The following GFRA2 variants were observed in gnomAD, a reference collection of about 807,000 sequenced individuals.
GFRA2 encodes the protein GDNF family receptor alpha-2.
In GFRA2, 17 loss-of-function variants were observed where a neutral mutation model predicts 48.3. That is an observed-to-expected ratio of 0.35 (90% CI 0.24 to 0.53). GFRA2 has a LOEUF of 0.53. GFRA2 is among the 20% of genes least tolerant of loss of function. The pLI is 0.93. For synonymous variants in GFRA2, 305 were observed against 257.2 expected (o/e 1.19, Z -1.78); for missense variants, 660 against 637.3 (o/e 1.04, Z -0.38).
chr8:21,790,820 C>CT (rs1453835036), upstream of GFRA2, among the ~76,000 whole-genome samples: 1 of 152,186 alleles, frequency 6.6e-6, no homozygotes, highest in Admixed American at 6.5e-5. Flanking sequence ...GGTCTCTTGG[C>CT]TTTTTTTCCA....
At chr8:21,758,884 AGGT>A (rs915801089) in intron 3 of GFRA2, among the ~76,000 whole-genome samples, 36 of 151,318 alleles carry the variant, frequency 2.4e-4, no homozygotes, top group African/African-American at 8.0e-4. Context: ...GTGCACACCG[AGGT>A]GCACACACAC....
Position 21,694,099 on chromosome 8 carries a change from T to C in GFRA2, c.1272+365A>G, listed in dbSNP as rs1258720986. 6.4e-5 allele frequency among the ~76,000 whole-genome samples: 6 copies of C among 93,506 alleles called. 1 individual carries two copies. The highest frequency in any genetic ancestry group is 1.5e-4 in the African/African-American group (4 of 27,198). 61.3% of individuals were successfully genotyped at this position (93,506 alleles called of 152,430 possible). A position where few individuals can be genotyped will look rare whatever the true frequency, so the allele number is the denominator to read the frequency against. Reference sequence around the variant, plus strand: ...TTTTTATATATATATATATTTCCTATAGTGGGGGTTTCTTCAAGGGAAGAA... The same window carrying C: ...TTTTTATATATATATATATTTCCTACAGTGGGGGTTTCTTCAAGGGAAGAA... On this transcript the variant is annotated intron_variant, in intron 8 of 8. Transcript: ENST00000524240.
rs1035929660 is a variant in GFRA2, at chr8:21,802,204, G to C, written c.-36+2813C>G. 3.2e-3 allele frequency among the ~76,000 whole-genome samples: 495 copies of C among 152,314 alleles called. 4 individuals are homozygous for C. The highest frequency in any genetic ancestry group is 0.011 in the African/African-American group (477 of 41,558). On this transcript the variant is annotated intron_variant, in intron 2 of 10. Transcript: ENST00000517328. ...TGCCACTTTCTAGCTGCCTGGCTTT[G>C]GGAAAGTCCCTAAATCTGGCTGTGC... is the stretch of plus-strand genomic sequence containing the variant.
intron 8 of GFRA2, among the ~76,000 whole-genome samples, 151 bp from the exon 9 acceptor site, chr8:21,693,551 A>G (rs996777695): frequency 1.3e-5 from 2 of 151,898 alleles, no homozygotes; most frequent in African/African-American, 4.8e-5. Context: ...CCTCCTTTGC[A>G]CTCTGAAGGG....
chr8:21,788,940 T>A, upstream of GFRA2: 1 of 370,320 alleles, frequency 2.7e-6, no homozygotes, highest in South Asian at 1.0e-4. Context: ...CCCGCCCCCT[T>A]CTCCCTTCGC....
At chr8:21,758,008 A>C (rs1222519251) in intron 3 of GFRA2, among the ~76,000 whole-genome samples, 1 of 152,040 alleles carries the variant, frequency 6.6e-6, no homozygotes, top group Non-Finnish European at 1.5e-5. Context: ...ATGCACTCGG[A>C]GGGGGAAGTC....
At chr8:21,728,225 T>C (rs542313432) in intron 4 of GFRA2, among the ~76,000 whole-genome samples, 2 of 143,820 alleles carry the variant, frequency 1.4e-5, no homozygotes, top group South Asian at 4.7e-4. Context: ...TCCTGGGCCC[T>C]ACATCCAAGG....
chr8:21,754,225 G>C (rs1368157099), intron 3 of GFRA2, among the ~76,000 whole-genome samples: 1 of 152,214 alleles, frequency 6.6e-6, no homozygotes, highest in Non-Finnish European at 1.5e-5. Flanking sequence ...GCTGTGCTCA[G>C]TGCTGTGTCC....
chr8:21,804,211 C>G (rs1232186659), intron 2 of GFRA2, among the ~76,000 whole-genome samples: 1 of 151,794 alleles, frequency 6.6e-6, no homozygotes, highest in African/African-American at 2.4e-5. Context: ...CACACACACA[C>G]ACACACACAC....
chr8:21,734,773 T>C (rs532061478), intron 4 of GFRA2, among the ~76,000 whole-genome samples: 1 of 152,360 alleles, frequency 6.6e-6, no homozygotes, highest in South Asian at 2.1e-4. Context: ...GCTTCTTTCG[T>C]CTATCAGATG....
chr8:21,746,884 C>T (rs936016840), intron 4 of GFRA2, among the ~76,000 whole-genome samples: 23 of 152,162 alleles, frequency 1.5e-4, no homozygotes, highest in Non-Finnish European at 2.4e-4. Flanking sequence ...TTACCCTGCT[C>T]CAAACTCCCC....
intron 2 of GFRA2, among the ~76,000 whole-genome samples, chr8:21,798,876 C>T (rs1279112917): frequency 6.6e-6 from 1 of 152,230 alleles, no homozygotes; most frequent in African/African-American, 2.4e-5. Flanking sequence ...GTGTATGCTT[C>T]TCTTAGCTCT....
intron 1 of GFRA2, among the ~76,000 whole-genome samples, chr8:21,785,056 T>C (rs35322859): frequency 0.15 from 22,453 of 152,188 alleles, 1,986 homozygotes; most frequent in East Asian, 0.28. Flanking sequence ...CCTCCCACCT[T>C]GACTGAACTG....
At chr8:21,772,163 G>C (rs2117695624) in intron 3 of GFRA2, among the ~76,000 whole-genome samples, 1 of 152,274 alleles carries the variant, frequency 6.6e-6, no homozygotes, top group Admixed American at 6.5e-5. Flanking sequence ...TCAGACAGAA[G>C]ATCTGGCACA....
chr8:21,735,112 C>A (rs182717976), intron 4 of GFRA2, among the ~76,000 whole-genome samples: 2 of 152,304 alleles, frequency 1.3e-5, no homozygotes, highest in East Asian at 1.9e-4. Flanking sequence ...GCCCTGAACA[C>A]CTCGGGCACA....
At position 21,706,039 on chromosome 8, in the gene GFRA2, G is replaced by C. The variant is rs1422526944; in HGVS notation, c.797C>G (p.Ser266Cys). 1 of 1,560,852 alleles carries C rather than the reference G, an allele frequency of 6.4e-7. No individual in the cohort carries two copies. The highest frequency in any genetic ancestry group is 1.9e-5 in the Admixed American group (1 of 52,620). Residue 266 changes from serine to cysteine, a missense_variant and splice_region_variant, in exon 5 of 9, where the codon TCC (serine) becomes TGC (cysteine). Physicochemically the swap from Ser to Cys is moderately radical, Grantham distance 112 (BLOSUM62 -1). Transcript: ENST00000524240. ...ATTGGCATGGAAGTCGGCCAGCCGG[G>C]ACCTGGTGGTGGGTAGAAGACGCAA... ...GVCRTDHLCR[S>C]RLADFHANCR...
At chr8:21,800,379 A>C (rs1374907008) in intron 2 of GFRA2, among the ~76,000 whole-genome samples, 1 of 152,228 alleles carries the variant, frequency 6.6e-6, no homozygotes, top group African/African-American at 2.4e-5. Context: ...GAGAAGGTGA[A>C]TCTGCAGCAT....
At position 21,702,894 on chromosome 8, in the gene GFRA2, G is replaced by A. The variant is rs201199040; in HGVS notation, c.1129C>T (p.Arg377Trp). The A allele has an allele frequency of 4.6e-5, 73 of 1,604,316 alleles. No individual in the cohort carries two copies. The highest frequency in any genetic ancestry group is 1.2e-4 in the Admixed American group (7 of 58,872). ...GPSFQATQAPRVEKTPSLPDD... is the reference protein window; with the variant it reads ...GPSFQATQAPWVEKTPSLPDD... ...GGCAAAGAAGGCGTCTTCTCCACCC[G>A]AGGGGCCTGGGTGGCCTGGAACGAG... Residue 377 changes from arginine (R) to tryptophan (W), a missense_variant, in exon 7 of 9, where the codon CGG (arginine) becomes TGG (tryptophan). Coordinates refer to ENST00000524240, the MANE Select transcript of GFRA2 (RefSeq NM_001495.5).
At chr8:21,701,825 A>C (rs967948517) in intron 7 of GFRA2, among the ~76,000 whole-genome samples, 6 of 152,174 alleles carry the variant, frequency 3.9e-5, no homozygotes, top group Admixed American at 1.3e-4. Flanking sequence ...AAAAAGAATT[A>C]AATGGGCCTC....
Sources: gnomAD v4.1 joint callset for allele counts (sites outside exome capture counted in the v4.1 genomes callset) on GRCh38, gnomAD v4.1.1 for gene constraint, MANE v1.5 for transcripts, NCBI Gene and HGNC (gene_info 2026-07-23, HGNC 2026-07-21) for gene names.